DBF4: variants seen among roughly 807,000 people sequenced by gnomAD.
The protein encoded by DBF4 is DBF4-CDC7 kinase regulatory subunit.
Under a neutral mutation model 76.6 loss-of-function variants are expected in DBF4, and 25 were observed. The observed-to-expected ratio is 0.33, with a 90% confidence interval of 0.24 to 0.46. The LOEUF is 0.46. DBF4 is among the 20% of genes least tolerant of loss of function. DBF4 has a pLI of 1.00. For missense variants in DBF4, 638 were observed against 760.8 expected, an observed-to-expected ratio of 0.84 and a Z score of 1.90; for synonymous variants, 213 against 258.0, an observed-to-expected ratio of 0.83 and a Z score of 1.67.
At chr7:87,877,268 T>A (rs1839088297) in intron 1 of DBF4, among the ~76,000 whole-genome samples, 1 of 152,232 alleles carries the variant, frequency 6.6e-6, no homozygotes, top group Non-Finnish European at 1.5e-5. Flanking sequence ...GGGGAAAGCA[T>A]TGTATTTCAA....
chr7:87,887,379 A>G lies in DBF4; in HGVS notation c.501A>G (p.Val167=), dbSNP rs753218570. The change falls in exon 5 of 12, where the codon GTA becomes GTG. Residue 167 remains valine (V), a synonymous_variant. Transcript: ENST00000265728. ...TATCAAATGCCTTGTCATGGGGAGT[A>G]AAAATTCTTCATATTGATGGTAAGG... is the stretch of plus-strand genomic sequence containing the variant. ...SILSNALSWG[V]KILHIDDIRY... 1 of 1,569,202 alleles carries G rather than the reference A, an allele frequency of 6.4e-7. No homozygotes were observed. The highest frequency in any genetic ancestry group is 8.7e-7 in the Non-Finnish European group (1 of 1,148,082).
At chr7:87,903,105 T>C (rs1310760122) in intron 10 of DBF4, among the ~76,000 whole-genome samples, 2 of 152,188 alleles carry the variant, frequency 1.3e-5, no homozygotes, top group African/African-American at 4.8e-5. Context: ...TTATTTGAGA[T>C]GGAGTCTCGC....
chr7:87,893,436 G>A (rs1349820538), intron 6 of DBF4, among the ~76,000 whole-genome samples: 3 of 151,164 alleles, frequency 2.0e-5, no homozygotes, highest in African/African-American at 7.3e-5. Context: ...TAGTAGAGAC[G>A]GGGTTTCACC....
chr7:87,881,751 A>G (rs1249944193), intron 2 of DBF4, among the ~76,000 whole-genome samples: 1 of 152,258 alleles, frequency 6.6e-6, no homozygotes. Flanking sequence ...AGACAACTGA[A>G]TAATTTATGT....
chr7:87,880,705 A>T (rs758562072), intron 2 of DBF4, among the ~76,000 whole-genome samples: 1 of 152,078 alleles, frequency 6.6e-6, no homozygotes, highest in African/African-American at 2.4e-5. Context: ...TTAATATCCC[A>T]TTTATCTGCA....
intron 1 of DBF4, among the ~76,000 whole-genome samples, chr7:87,877,249 C>T (rs866595491): frequency 2.0e-5 from 3 of 152,190 alleles, no homozygotes; most frequent in Non-Finnish European, 2.9e-5. Context: ...TTCCTTTCCT[C>T]ATAAGTTGGG....
intron 1 of DBF4, 63 bp downstream of exon 1, chr7:87,876,841 T>C (rs1213973187): frequency 6.3e-7 from 1 of 1,580,276 alleles, no homozygotes; most frequent in African/African-American, 1.3e-5. Flanking sequence ...GGTTCCACCA[T>C]TGATTCTTCA....
chr7:87,884,099 G>A lies in DBF4; in HGVS notation c.220-880G>A, dbSNP rs189891709. ...CAGTCTTACACTCTTAAGCGTAAAGGTTCCCTCCATCCTGTAAGTTGAAGC... is the reference window on the plus strand; with the variant it reads ...CAGTCTTACACTCTTAAGCGTAAAGATTCCCTCCATCCTGTAAGTTGAAGC... On this transcript the variant is annotated intron_variant, in intron 2 of 11. Transcript: ENST00000265728. Among the ~76,000 whole-genome samples, 203 of 152,246 alleles carry A rather than the reference G, an allele frequency of 1.3e-3. 1 individual carries two copies. Among genetic ancestry groups the A allele is most frequent in the African/African-American group, 4.6e-3 (193 of 41,538 alleles).
At chr7:87,891,454 A>G (rs1306865858) in intron 6 of DBF4, among the ~76,000 whole-genome samples, 1 of 152,126 alleles carries the variant, frequency 6.6e-6, no homozygotes, top group East Asian at 1.9e-4. Context: ...TATGAATTCA[A>G]TTTATTCATT....
rs1465728236 is a variant in DBF4, at chr7:87,908,575, G to C, written c.*412G>C. ...GAAAAACCTAAATTTCATACAGAAA[G>C]GAAAAATACATTTCTATGCTTGAAT... On this transcript the variant is annotated 3_prime_UTR_variant, in exon 12 of 12. Transcript: ENST00000265728. The C allele has an allele frequency of 6.5e-6, 1 of 153,822 alleles. No individual in the cohort carries two copies. The highest frequency in any genetic ancestry group is 1.4e-5 in the Non-Finnish European group (1 of 69,186). The allele number at this position is 153,822 out of a possible 1,614,324, so 9.5% of individuals were successfully genotyped here.
chr7:87,905,106 A>G (rs1839887006), intron 11 of DBF4, among the ~76,000 whole-genome samples: 2 of 152,134 alleles, frequency 1.3e-5, no homozygotes, highest in Admixed American at 6.5e-5. Context: ...GTGTGCCACT[A>G]CACCCCACTA....
chr7:87,892,894 G>A (rs1839529394), intron 6 of DBF4, among the ~76,000 whole-genome samples: 1 of 152,030 alleles, frequency 6.6e-6, no homozygotes, highest in Non-Finnish European at 1.5e-5. Context: ...GCCATATAAC[G>A]TGCTTTTTAT....
chr7:87,881,566 G>A (rs1839214567), intron 2 of DBF4, among the ~76,000 whole-genome samples: 1 of 152,168 alleles, frequency 6.6e-6, no homozygotes, highest in African/African-American at 2.4e-5. Flanking sequence ...TGTGGGTTTT[G>A]TTCACACACA....
intron 6 of DBF4, among the ~76,000 whole-genome samples, chr7:87,892,550 G>A (rs11764107): frequency 0.038 from 5,752 of 152,216 alleles, 151 homozygotes; most frequent in South Asian, 0.062. Context: ...AAATATCCAC[G>A]TGCAGGGTTT....
chr7:87,897,210 T>A, intron 7 of DBF4, 84 bp from the exon 8 acceptor site: 1 of 1,344,146 alleles, frequency 7.4e-7, no homozygotes. Flanking sequence ...GTTTGGAGGG[T>A]TTTGTTTTGC....
At chr7:87,900,109 T>C in intron 8 of DBF4, 112 bp from the exon 9 acceptor site, 1 of 913,310 alleles carries the variant, frequency 1.1e-6, no homozygotes, top group Non-Finnish European at 1.6e-6. Flanking sequence ...AAAGCCTAAA[T>C]AATTTGTTAT....
intron 1 of DBF4, 108 bp downstream of exon 1, chr7:87,876,886 C>G: frequency 1.6e-6 from 2 of 1,245,272 alleles, no homozygotes; most frequent in Non-Finnish European, 2.3e-6. Context: ...TTCTTTTCTT[C>G]TGACCGGCCT....
At chr7:87,889,655 T>C (rs562760588) in intron 6 of DBF4, among the ~76,000 whole-genome samples, 66 of 152,298 alleles carry the variant, frequency 4.3e-4, no homozygotes, top group African/African-American at 1.3e-3. Context: ...GCATAAACTT[T>C]TTATGCATTT....
intron 6 of DBF4, among the ~76,000 whole-genome samples, chr7:87,895,914 C>T (rs113340542): frequency 2.2e-3 from 330 of 152,308 alleles, no homozygotes; most frequent in South Asian, 7.9e-3. Flanking sequence ...CCTGGTTCTT[C>T]CTGCCAGAAA....
Sources: allele counts gnomAD v4.1 joint callset (sites outside exome capture counted in the v4.1 genomes callset), GRCh38; gene constraint gnomAD v4.1.1; transcripts MANE v1.5; gene names NCBI Gene and HGNC (gene_info 2026-07-23, HGNC 2026-07-21).